Variants in VCL observed in about 807,000 individuals in gnomAD.
VCL encodes the protein vinculin, also known as epididymis luminal protein 114.
Under a neutral mutation model 125.7 loss-of-function variants are expected in VCL, and 47 were observed. The ratio of observed to expected loss-of-function variants is 0.37; its 90% CI spans 0.30 to 0.48. VCL has a LOEUF of 0.48. Ranked by LOEUF, VCL falls within the 20% of genes least tolerant of loss-of-function variation. The pLI, the probability that VCL is intolerant of heterozygous loss-of-function variation, is 0.99. For synonymous variants in VCL, 458 were observed against 514.6 expected (o/e 0.89, Z 1.49); for missense variants, 1,069 against 1,455.5 (o/e 0.73, Z 4.32).
Position 74,083,393 on chromosome 10 carries a change from A to C in VCL, c.902A>C (p.Gln301Pro). ...GATGCTGGTGAGCAGGCCATCAGACAGATCTTAGATGAAGCTGGAAAAGTT... is the reference window on the plus strand; with the variant it reads ...GATGCTGGTGAGCAGGCCATCAGACCGATCTTAGATGAAGCTGGAAAAGTT... Reference protein sequence around the residue: ...PGDAGEQAIRQILDEAGKVGE... With the variant: ...PGDAGEQAIRPILDEAGKVGE... The change falls in exon 8 of 22, where the codon CAG (glutamine) becomes CCG (proline). Residue 301 changes from glutamine (Q) to proline (P), a missense_variant. Gln to Pro is a moderately conservative substitution (Grantham distance 76). Around this residue, in one of 6 missense-constraint regions of VCL, gnomAD observed 760 missense variants for 928.9 expected, o/e 0.82. Transcript: ENST00000211998. The C allele has an allele frequency of 6.2e-7, 1 of 1,614,170 alleles. No individual in the cohort carries two copies. Among genetic ancestry groups the C allele is most frequent in the Non-Finnish European group, 8.5e-7 (1 of 1,179,986 alleles).
intron 1 of VCL, among the ~76,000 whole-genome samples, chr10:74,026,985 C>A (rs1840783099): frequency 6.6e-6 from 1 of 152,152 alleles, no homozygotes; most frequent in South Asian, 2.1e-4. Flanking sequence ...GGCTTATCTG[C>A]AAAAGCTATA....
At chr10:74,107,139 C>T in intron 16 of VCL, 91 bp from the exon 17 acceptor site, 1 of 1,606,456 alleles carries the variant, frequency 6.2e-7, no homozygotes, top group Non-Finnish European at 8.5e-7. Context: ...TCACATCCAG[C>T]TTTTGTTCAT....
At chr10:74,022,402 C>T (rs1030665733) in intron 1 of VCL, among the ~76,000 whole-genome samples, 12 of 151,378 alleles carry the variant, frequency 7.9e-5, no homozygotes, top group Admixed American at 2.6e-4. Context: ...AAAAATTAGC[C>T]GGGCATGATG....
At chr10:74,057,388 T>C (rs1841407051) in intron 2 of VCL, among the ~76,000 whole-genome samples, 1 of 152,184 alleles carries the variant, frequency 6.6e-6, no homozygotes, top group Non-Finnish European at 1.5e-5. Flanking sequence ...GTTCATTCCT[T>C]AGGTTAACAA....
chr10:74,059,016 T>C (rs1262660997), intron 2 of VCL, among the ~76,000 whole-genome samples: 1 of 152,138 alleles, frequency 6.6e-6, no homozygotes, highest in Non-Finnish European at 1.5e-5. Flanking sequence ...GCTGAACTTC[T>C]CAAGGCAGGA....
At chr10:74,028,825 G>A (rs924642832) in intron 1 of VCL, among the ~76,000 whole-genome samples, 2 of 152,212 alleles carry the variant, frequency 1.3e-5, no homozygotes, top group Non-Finnish European at 2.9e-5. Flanking sequence ...GGTGGGAGAT[G>A]TGGGACCTTT....
chr10:74,036,730 A>G (rs888196301), intron 1 of VCL, among the ~76,000 whole-genome samples: 6 of 151,676 alleles, frequency 4.0e-5, no homozygotes, highest in Admixed American at 6.6e-5. Flanking sequence ...AAAAAGAAGC[A>G]TTTGTTGATT....
At chr10:74,074,680 G>A in intron 5 of VCL, 63 bp from the exon 6 acceptor site, 2 of 1,571,778 alleles carry the variant, frequency 1.3e-6, no homozygotes, top group Non-Finnish European at 1.7e-6. Context: ...AACATCTTTT[G>A]TGAATATTGT....
At chr10:74,016,602 T>A (rs1000104347) in intron 1 of VCL, among the ~76,000 whole-genome samples, 4 of 152,080 alleles carry the variant, frequency 2.6e-5, no homozygotes, top group African/African-American at 9.7e-5. Flanking sequence ...GAAAAAAAAA[T>A]CTGGTGAAAT....
At chr10:74,007,415 A>G (rs1239930259) in intron 1 of VCL, among the ~76,000 whole-genome samples, 2 of 152,186 alleles carry the variant, frequency 1.3e-5, no homozygotes, top group African/African-American at 2.4e-5. Flanking sequence ...TATTACACTC[A>G]TACTTGTTCA....
Position 74,063,217 on chromosome 10 carries a change from T to C in VCL, c.240-7453T>C, listed in dbSNP as rs554826441. The stretch of plus-strand genomic sequence containing the variant: ...CAGGCCCGAGGTTGGTTTTGAATGA[T>C]TGACTTTTCTCTTCATTATTGGCGG... On this transcript the variant is annotated intron_variant, in intron 2 of 21. Transcript: ENST00000211998. Among the ~76,000 whole-genome samples the C allele has an allele frequency of 5.9e-5, 9 of 152,344 alleles. No homozygotes were observed. The South Asian group carries it at 1.9e-3, about 32-fold the overall frequency.
chr10:74,060,622 C>T (rs1841464801), intron 2 of VCL, among the ~76,000 whole-genome samples: 1 of 141,880 alleles, frequency 7.0e-6, no homozygotes, highest in South Asian at 2.2e-4. Flanking sequence ...CGCCACTGCA[C>T]TCCAGCCTGG....
chr10:74,023,493 A>T (rs975824271), intron 1 of VCL, among the ~76,000 whole-genome samples: 20 of 152,366 alleles, frequency 1.3e-4, no homozygotes, highest in African/African-American at 4.1e-4. Context: ...ACAGTGACAA[A>T]CTGGATAAAC....
At chr10:74,120,183 A>ACTT (rs928016175), downstream of VCL, 1 of 152,232 alleles carries the variant, frequency 6.6e-6, no homozygotes, top group Non-Finnish European at 1.5e-5. Context: ...TGGATATGTT[A>ACTT]CTTTAGCAAG....
In VCL at chr10:74,119,680, G is replaced by GTGTT. The variant is rs1840375138; in HGVS notation, c.*1512_*1515dup. 1 of 152,462 alleles carries GTGTT rather than the reference G, an allele frequency of 6.6e-6. No individual in the cohort carries two copies. The highest frequency in any genetic ancestry group is 1.5e-5 in the Non-Finnish European group (1 of 68,042). 9.4% of individuals were successfully genotyped at this position (152,462 alleles called of 1,614,324 possible). On this transcript the variant is annotated 3_prime_UTR_variant, in exon 22 of 22. Coordinates refer to ENST00000211998, the MANE Select transcript of VCL (RefSeq NM_014000.3). ...ATCCTTCCTTCCCACCCATCGCTGT[G>GTGTT]TGTTAGTTCCCAACATCGAATGTGT...
intron 1 of VCL, 112 bp downstream of exon 1, chr10:73,998,487 T>G: frequency 8.5e-7 from 1 of 1,170,806 alleles, no homozygotes; most frequent in Non-Finnish European, 1.1e-6. Flanking sequence ...CCGCGTGGGT[T>G]CCGGAGCCAG....
intron 2 of VCL, among the ~76,000 whole-genome samples, chr10:74,061,701 G>A (rs552735115): frequency 6.6e-6 from 1 of 152,150 alleles, no homozygotes; most frequent in East Asian, 1.9e-4. Context: ...GATGCCATTT[G>A]TTTTTCAAAA....
intron 2 of VCL, among the ~76,000 whole-genome samples, chr10:74,053,905 T>C (rs1841350669): frequency 6.6e-6 from 1 of 152,094 alleles, no homozygotes; most frequent in South Asian, 2.1e-4. Context: ...ACCACTTTAA[T>C]TTTTAAATTA....
intron 10 of VCL, among the ~76,000 whole-genome samples, chr10:74,092,489 A>C (rs575992176): frequency 6.6e-6 from 1 of 152,310 alleles, no homozygotes; most frequent in African/African-American, 2.4e-5. Context: ...CACCTCATCA[A>C]ACCCAATAGC....
Sources: allele counts gnomAD v4.1 joint callset (sites outside exome capture counted in the v4.1 genomes callset), GRCh38; gene constraint gnomAD v4.1.1; regional missense constraint gnomAD v4.1.1; transcripts MANE v1.5; gene names NCBI Gene and HGNC (gene_info 2026-07-23, HGNC 2026-07-21).